The following PDE10A variants were observed in gnomAD, a reference collection of about 807,000 sequenced individuals.
PDE10A encodes phosphodiesterase 10A.
In PDE10A, 39 loss-of-function variants were observed where a neutral mutation model predicts 97.7. That is an observed-to-expected ratio of 0.40 (90% CI 0.31 to 0.52). The LOEUF (loss-of-function observed/expected upper bound fraction) is 0.52, where lower values mean the gene tolerates loss of function less well. Among genes scored for constraint, PDE10A ranks in the 20% least tolerant of loss-of-function variants. PDE10A has a pLI of 0.56. For synonymous variants in PDE10A, 371 were observed against 376.8 expected (o/e 0.98, Z 0.18); for missense variants, 731 against 1,047.8 (o/e 0.70, Z 4.17).
Position 165,658,430 on chromosome 6 carries a change from G to A in PDE10A, c.865+3517C>T, listed in dbSNP as rs374559426. ...TCAGTATCCTCCTTGACCAGCCGGG[G>A]TTTTCCTTTGTCTGTATCTCTTTAT... On this transcript the variant is annotated intron_variant, in intron 1 of 21. Coordinates refer to ENST00000539869, the MANE Select transcript of PDE10A (RefSeq NM_001385079.1). Among the ~76,000 whole-genome samples the A allele has an allele frequency of 1.5e-3, 229 of 152,204 alleles. 1 individual carries two copies. The highest frequency in any genetic ancestry group is 5.5e-3 in the African/African-American group (227 of 41,526).
intron 1 of PDE10A, among the ~76,000 whole-genome samples, chr6:165,795,468 G>A (rs1319339256): frequency 6.6e-6 from 1 of 152,126 alleles, no homozygotes; most frequent in African/African-American, 2.4e-5. Context: ...GCTCATACCT[G>A]TAGTCCCAGC....
intron 1 of PDE10A, among the ~76,000 whole-genome samples, chr6:165,742,649 G>A (rs1336022354): frequency 1.3e-5 from 2 of 152,122 alleles, no homozygotes; most frequent in Non-Finnish European, 2.9e-5. Context: ...CAGCAGATGC[G>A]ACTTAAATCT....
intron 17 of PDE10A, among the ~76,000 whole-genome samples, chr6:165,386,820 A>G (rs1427706954): frequency 1.3e-5 from 2 of 150,312 alleles, no homozygotes; most frequent in Non-Finnish European, 3.0e-5. Context: ...GGCTAACACA[A>G]TGAAACCCCA....
At chr6:165,582,633 A>C (rs2128356666) in intron 1 of PDE10A, among the ~76,000 whole-genome samples, 1 of 151,910 alleles carries the variant, frequency 6.6e-6, no homozygotes, top group African/African-American at 2.4e-5. Context: ...ATAACTATAC[A>C]CCAAAAGAAA....
At chr6:165,476,452 G>C (rs1779304636) in intron 3 of PDE10A, among the ~76,000 whole-genome samples, 1 of 152,092 alleles carries the variant, frequency 6.6e-6, no homozygotes, top group Admixed American at 6.5e-5. Flanking sequence ...AGAAGTTCAA[G>C]TCAATGACAA....
At chr6:165,764,559 T>C (rs1318392249) in intron 1 of PDE10A, among the ~76,000 whole-genome samples, 1 of 136,706 alleles carries the variant, frequency 7.3e-6, no homozygotes, top group Non-Finnish European at 1.6e-5. Context: ...GAGTTTCTTC[T>C]TTCTGGTGGG....
chr6:165,619,289 ATAGTCTAGTGTAGTGTAGTG>A (rs1787918629), intron 1 of PDE10A, among the ~76,000 whole-genome samples: 1 of 45,734 alleles, frequency 2.2e-5, no homozygotes. Flanking sequence ...GTAGTCTAGC[ATAGTCTAGTGTAGTGTAGTG>A]TAGTCTAGTG....
chr6:165,764,630 T>C (rs1226075652), intron 1 of PDE10A, among the ~76,000 whole-genome samples: 1 of 152,024 alleles, frequency 6.6e-6, no homozygotes, highest in Admixed American at 6.6e-5. Flanking sequence ...GTTAACAGCT[T>C]TTAAGGCGAC....
intron 1 of PDE10A, among the ~76,000 whole-genome samples, chr6:165,829,300 A>G (rs1420128319): frequency 2.0e-5 from 3 of 152,160 alleles, no homozygotes; most frequent in Non-Finnish European, 2.9e-5. Context: ...GTCTTCCTCC[A>G]TTTGTCCCTG....
chr6:165,743,106 C>T (rs1296198873), intron 1 of PDE10A, among the ~76,000 whole-genome samples: 1 of 152,176 alleles, frequency 6.6e-6, no homozygotes, highest in Admixed American at 6.5e-5. Context: ...TGGAATCACT[C>T]ATTCATTTCA....
chr6:165,610,333 G>A (rs1269780564), intron 1 of PDE10A, among the ~76,000 whole-genome samples: 12 of 152,076 alleles, frequency 7.9e-5, no homozygotes, highest in Admixed American at 4.6e-4. Context: ...CACGAGGTCA[G>A]GAGATCGAGA....
intron 1 of PDE10A, among the ~76,000 whole-genome samples, chr6:165,634,235 C>T (rs1374991796): frequency 1.3e-5 from 2 of 152,030 alleles, no homozygotes; most frequent in African/African-American, 2.4e-5. Flanking sequence ...GTGTCTGCAG[C>T]GGTGCCCACT....
intron 1 of PDE10A, among the ~76,000 whole-genome samples, chr6:165,594,491 C>A (rs976459341): frequency 6.6e-6 from 1 of 151,662 alleles, no homozygotes; most frequent in South Asian, 2.1e-4. Flanking sequence ...TTAATGATAC[C>A]CAAAGTGAAG....
intron 10 of PDE10A, among the ~76,000 whole-genome samples, chr6:165,426,924 T>TA (rs1789203452): frequency 6.6e-6 from 1 of 152,096 alleles, no homozygotes; most frequent in African/African-American, 2.4e-5. Context: ...CACACTGAGA[T>TA]AGCACTTTAC....
At chr6:165,681,721 G>A (rs911264334) in intron 1 of PDE10A, among the ~76,000 whole-genome samples, 3 of 152,150 alleles carry the variant, frequency 2.0e-5, no homozygotes, top group Middle Eastern at 3.2e-3. Context: ...TACACTGGCT[G>A]TTTACTCAAA....
chr6:165,469,771 C>T (rs1778879560), intron 3 of PDE10A, among the ~76,000 whole-genome samples: 1 of 152,174 alleles, frequency 6.6e-6, no homozygotes, highest in African/African-American at 2.4e-5. Flanking sequence ...TATCTGTCAA[C>T]TGGTTCCTCT....
intron 1 of PDE10A, chr6:165,754,452 A>C (rs1405645551): frequency 6.6e-6 from 1 of 152,240 alleles, no homozygotes; most frequent in South Asian, 2.1e-4. Context: ...TCATTATAGC[A>C]TTTCAGCAAA....
At chr6:165,743,498 G>C (rs934634967) in intron 1 of PDE10A, among the ~76,000 whole-genome samples, 1 of 152,128 alleles carries the variant, frequency 6.6e-6, no homozygotes, top group Admixed American at 6.5e-5. Flanking sequence ...TTGCATCTCC[G>C]TCTGTAGAAT....
In PDE10A at chr6:165,662,145, G is replaced by A. The variant is rs1790307131; in HGVS notation, c.667C>T (p.Gln223Ter). ...PPPPPRLPLGQAARRAGSPGF... is the reference protein window; with the variant it reads ...PPPPPRLPLG ...GGGGAGCCCGCGCGGCGGGCGGCCT[G>A]GCCAAGGGGGAGCCGGGGCGGCGGC... Residue 223 changes from glutamine to a stop codon, truncating the protein, a stop_gained, in exon 1 of 22, where the codon CAG (glutamine) becomes TAG (stop). Transcript: ENST00000539869. LOFTEE classifies it high-confidence loss of function. The A allele has an allele frequency of 3.6e-6, 2 of 556,494 alleles. No individual in the cohort carries two copies. The highest frequency in any genetic ancestry group is 4.6e-6 in the Non-Finnish European group (2 of 437,872). The allele number at this position is 556,494 out of a possible 1,614,324, so 34.5% of individuals were successfully genotyped here.
Sources: allele counts gnomAD v4.1 joint callset (sites outside exome capture counted in the v4.1 genomes callset), GRCh38; gene constraint gnomAD v4.1.1; transcripts MANE v1.5; gene names NCBI Gene and HGNC (gene_info 2026-07-23, HGNC 2026-07-21).